The following MGMT variants were observed in gnomAD, a reference collection of about 807,000 sequenced individuals.
MGMT encodes O-6-methylguanine-DNA methyltransferase.
Under a neutral mutation model 15.9 loss-of-function variants are expected in MGMT, and 14 were observed. That is an observed-to-expected ratio of 0.88 (90% confidence interval 0.58 to 1.37). The LOEUF (loss-of-function observed/expected upper bound fraction) is 1.37, where lower values mean the gene tolerates loss of function less well. Among genes scored for constraint, MGMT ranks in the 40% most tolerant of loss-of-function variants. The pLI, the probability that MGMT is intolerant of heterozygous loss-of-function variation, is 0.00. For synonymous variants in MGMT, 130 were observed against 118.2 expected, an observed-to-expected ratio of 1.10 and a Z score of -0.65; for missense variants, 282 against 268.1, an observed-to-expected ratio of 1.05 and a Z score of -0.36.
At chr10:129,531,907 A>G (rs369194286) in intron 1 of MGMT, among the ~76,000 whole-genome samples, 4 of 152,164 alleles carry the variant, frequency 2.6e-5, no homozygotes, top group Non-Finnish European at 5.9e-5. Flanking sequence ...TCACTTCCTC[A>G]TGCTTCACAT....
intron 2 of MGMT, among the ~76,000 whole-genome samples, chr10:129,631,528 GA>G (rs1661676705): frequency 6.6e-6 from 1 of 152,180 alleles, no homozygotes. Flanking sequence ...AAAGTATAAA[GA>G]AATTAAAAAT....
At chr10:129,521,316 G>C (rs1163597208) in intron 1 of MGMT, among the ~76,000 whole-genome samples, 2 of 152,182 alleles carry the variant, frequency 1.3e-5, no homozygotes, top group East Asian at 3.9e-4. Flanking sequence ...GCTGCATGCA[G>C]GGTGAGTTCA....
intron 3 of MGMT, among the ~76,000 whole-genome samples, chr10:129,737,828 C>G (rs1279062832): frequency 2.0e-5 from 3 of 152,304 alleles, no homozygotes; most frequent in Non-Finnish European, 4.4e-5. Context: ...AGGTGTCAGT[C>G]TGGCCCTGCT....
intron 1 of MGMT, among the ~76,000 whole-genome samples, chr10:129,494,740 G>A (rs759310143): frequency 2.0e-5 from 3 of 152,160 alleles, no homozygotes; most frequent in Non-Finnish European, 2.9e-5. Flanking sequence ...CAGTCTAGAC[G>A]GATATGATGC....
intron 3 of MGMT, among the ~76,000 whole-genome samples, chr10:129,756,608 T>A (rs1254621570): frequency 1.3e-5 from 2 of 152,190 alleles, no homozygotes; most frequent in East Asian, 3.9e-4. Context: ...TAGCTGGGAC[T>A]GCAGACGAGC....
chr10:129,769,285 C>T lies in MGMT; in HGVS notation c.*2288C>T, dbSNP rs10829627. 0.21 allele frequency: 32,071 copies of T among 152,198 alleles called. 4,030 individuals carry two copies. Among genetic ancestry groups the T allele is most frequent in the African/African-American group, 0.35 (14,638 of 41,492 alleles). 9.4% of individuals were successfully genotyped at this position (152,198 alleles called of 1,614,324 possible). A position where few individuals can be genotyped will look rare whatever the true frequency, so the allele number is the denominator to read the frequency against. On this transcript the variant is annotated 3_prime_UTR_variant, in exon 5 of 5. Transcript: ENST00000651593. ...GGCCGTGTACCGCTCCAAGGACAAGCTCTGCCGAGGCCGACATGAAAAGCC... is the reference window on the plus strand; with the variant it reads ...GGCCGTGTACCGCTCCAAGGACAAGTTCTGCCGAGGCCGACATGAAAAGCC...
chr10:129,530,931 C>A (rs765518547), intron 1 of MGMT, among the ~76,000 whole-genome samples: 2 of 152,232 alleles, frequency 1.3e-5, no homozygotes, highest in Non-Finnish European at 2.9e-5. Flanking sequence ...ACACTCTCCC[C>A]CCGAAGTGTG....
chr10:129,498,533 T>C (rs1845545295), intron 1 of MGMT, among the ~76,000 whole-genome samples: 1 of 152,214 alleles, frequency 6.6e-6, no homozygotes, highest in Admixed American at 6.5e-5. Context: ...CACATCAGCG[T>C]AGACTCATGG....
intron 1 of MGMT, among the ~76,000 whole-genome samples, chr10:129,471,181 A>G (rs940365979): frequency 2.3e-4 from 35 of 152,198 alleles, no homozygotes; most frequent in African/African-American, 8.2e-4. Context: ...TAATGTGTTT[A>G]TGGACATTTT....
intron 1 of MGMT, among the ~76,000 whole-genome samples, chr10:129,486,095 G>A (rs1845406141): frequency 6.6e-6 from 1 of 151,446 alleles, no homozygotes; most frequent in African/African-American, 2.4e-5. Flanking sequence ...CAGAGTTGAA[G>A]AAAACTAATT....
intron 1 of MGMT, among the ~76,000 whole-genome samples, chr10:129,468,817 G>A (rs534848003): frequency 1.3e-5 from 2 of 152,204 alleles, no homozygotes; most frequent in African/African-American, 2.4e-5. Context: ...CCTGGGAGGC[G>A]GAGGTTGCAG....
At chr10:129,686,561 A>T (rs186478622) in intron 2 of MGMT, among the ~76,000 whole-genome samples, 139 of 141,810 alleles carry the variant, frequency 9.8e-4, no homozygotes, top group Non-Finnish European at 1.8e-3. Flanking sequence ...TTTTGGTAGA[A>T]ATGGGGTTTT....
intron 1 of MGMT, among the ~76,000 whole-genome samples, chr10:129,509,605 A>G (rs1845660685): frequency 6.6e-6 from 1 of 152,384 alleles, no homozygotes; most frequent in Non-Finnish European, 1.5e-5. Context: ...GATGACTAAG[A>G]AAGACATGCT....
intron 2 of MGMT, among the ~76,000 whole-genome samples, chr10:129,610,461 A>C (rs570488302): frequency 3.9e-5 from 6 of 152,316 alleles, no homozygotes; most frequent in African/African-American, 1.4e-4. Context: ...GGAACACTTG[A>C]GCCCCCACCC....
intron 1 of MGMT, among the ~76,000 whole-genome samples, chr10:129,510,020 A>C (rs1845664276): frequency 6.6e-6 from 1 of 152,224 alleles, no homozygotes; most frequent in Non-Finnish European, 1.5e-5. Flanking sequence ...CAGGATGCAC[A>C]GTGTCCATCT....
At chr10:129,753,113 T>G (rs1327665618) in intron 3 of MGMT, among the ~76,000 whole-genome samples, 2 of 152,212 alleles carry the variant, frequency 1.3e-5, no homozygotes, top group African/African-American at 4.8e-5. Context: ...TCCTGAGTTG[T>G]CAGGTTTTTT....
rs143524447 is a variant in MGMT, at chr10:129,655,707, A to G, written c.126-52188A>G. ...TGTTTAACAGTGAAGGCAGGAAGGG[A>G]GCTGTTCCTCAGTATAGCTGTGGGT... On this transcript the variant is annotated intron_variant, in intron 2 of 4. Coordinates refer to ENST00000651593, the MANE Select transcript of MGMT (RefSeq NM_002412.5). Among the ~76,000 whole-genome samples, 52 of 152,294 alleles carry G rather than the reference A, an allele frequency of 3.4e-4. No individual in the cohort carries two copies. In the East Asian group the frequency reaches 9.5e-3, roughly 28 times the overall value.
intron 2 of MGMT, among the ~76,000 whole-genome samples, chr10:129,600,296 C>T (rs1318625601): frequency 6.6e-6 from 1 of 152,172 alleles, no homozygotes; most frequent in Non-Finnish European, 1.5e-5. Flanking sequence ...TTAGTCCCTA[C>T]AAACCCACCT....
At chr10:129,695,497 A>G (rs1385098779) in intron 2 of MGMT, among the ~76,000 whole-genome samples, 1 of 152,218 alleles carries the variant, frequency 6.6e-6, no homozygotes, top group Non-Finnish European at 1.5e-5. Flanking sequence ...TGCCTTTTGG[A>G]AAGAAAAGTA....
Sources: gnomAD v4.1 joint callset for allele counts (sites outside exome capture counted in the v4.1 genomes callset) on GRCh38, gnomAD v4.1.1 for gene constraint, MANE v1.5 for transcripts, NCBI Gene and HGNC (gene_info 2026-07-23, HGNC 2026-07-21) for gene names.